Variants in DBI observed in about 807,000 individuals in gnomAD.
DBI encodes diazepam binding inhibitor, acyl-CoA binding protein, also known as acyl-CoA-binding protein.
Under a neutral mutation model 13.0 loss-of-function variants are expected in DBI, and 12 were observed. The ratio of observed to expected loss-of-function variants is 0.92; its 90% CI spans 0.59 to 1.49. The LOEUF is 1.49. Among genes scored for constraint, DBI ranks in the 40% most tolerant of loss-of-function variants. The pLI, the probability that DBI is intolerant of heterozygous loss-of-function variation, is 0.00. For synonymous variants in DBI, 37 were observed against 37.4 expected (o/e 0.99, Z 0.04); for missense variants, 95 against 104.8 (o/e 0.91, Z 0.41).
intron 1 of DBI, 130 bp from the exon 2 acceptor site, chr2:119,368,058 C>G: frequency 6.6e-7 from 1 of 1,515,954 alleles, no homozygotes; most frequent in Non-Finnish European, 9.2e-7. Context: ...TCAGGGGCTG[C>G]ATTGCCCGAA....
At chr2:119,367,828 G>A in intron 1 of DBI, 1 of 1,613,012 alleles carries the variant, frequency 6.2e-7, no homozygotes, top group South Asian at 1.1e-5. Flanking sequence ...GTGGTGGCCA[G>A]GCAGTTGGCC....
At chr2:119,369,915 A>G (rs1002226891) in intron 2 of DBI, among the ~76,000 whole-genome samples, 1 of 152,226 alleles carries the variant, frequency 6.6e-6, no homozygotes, top group Non-Finnish European at 1.5e-5. Context: ...TGAATTGGAC[A>G]TTGCAAATAT....
In DBI at chr2:119,370,813, T is replaced by C; in HGVS notation, c.190+11T>C. ...GGAATGAGCTGAAAGGTAATTGTTC[T>C]AATCAATTTCTCTCATTTGTGAAAC... On this transcript the variant is annotated intron_variant, in intron 3 of 3. Transcript: ENST00000355857. The C allele has an allele frequency of 6.2e-7, 1 of 1,611,476 alleles. No homozygotes were observed. Among genetic ancestry groups the C allele is most frequent in the Non-Finnish European group, 8.5e-7 (1 of 1,177,962 alleles).
chr2:119,370,846 TGAAA>T, intron 3 of DBI, 44 bp downstream of exon 3: 1 of 1,538,910 alleles, frequency 6.5e-7, no homozygotes, highest in Non-Finnish European at 9.0e-7. Flanking sequence ...AACCCAGTAG[TGAAA>T]GAGTCTTCAT....
chr2:119,372,161 C>T (rs1321603556), intron 3 of DBI, 84 bp from the exon 4 acceptor site: 2 of 958,116 alleles, frequency 2.1e-6, no homozygotes, highest in Non-Finnish European at 3.4e-6. Flanking sequence ...AGGAGAGTTA[C>T]AGCAGAGCTG....
chr2:119,369,946 A>T, intron 2 of DBI, among the ~76,000 whole-genome samples: 1 of 152,136 alleles, frequency 6.6e-6, no homozygotes, highest in Non-Finnish European at 1.5e-5. Flanking sequence ...TTCCATTTCC[A>T]CCGCTTGGAG....
At chr2:119,371,027 G>A (rs1681480477) in intron 3 of DBI, among the ~76,000 whole-genome samples, 2 of 152,208 alleles carry the variant, frequency 1.3e-5, no homozygotes, top group African/African-American at 4.8e-5. Context: ...ATCATCTAGA[G>A]AGGAGGGGCT....
At chr2:119,369,538 A>T (rs1341700819) in intron 2 of DBI, among the ~76,000 whole-genome samples, 1 of 152,226 alleles carries the variant, frequency 6.6e-6, no homozygotes, top group Non-Finnish European at 1.5e-5. Context: ...CTGTAATCCC[A>T]GCACTTTGGG....
chr2:119,370,917 C>A, intron 3 of DBI, 115 bp downstream of exon 3: 1 of 882,038 alleles, frequency 1.1e-6, no homozygotes, highest in Non-Finnish European at 1.7e-6. Flanking sequence ...GTGTGGGAAA[C>A]CAGCCTGACC....
chr2:119,368,098 C>A lies in DBI; in HGVS notation c.10-90C>A, dbSNP rs963563734. 62 of 1,485,798 alleles carry A rather than the reference C, an allele frequency of 4.2e-5. No individual in the cohort carries two copies. In the African/African-American group the frequency reaches 7.2e-4, roughly 17 times the overall value. 92.0% of individuals were successfully genotyped at this position (1,485,798 alleles called of 1,614,324 possible). On this transcript the variant is annotated intron_variant, in intron 1 of 3. Transcript: ENST00000355857. Reference sequence around the variant, plus strand: ...GCCACCTTTCCCACCTCTCCATCCCCGTAACTGGGCTGTCATCAGGCCACA... The same window carrying A: ...GCCACCTTTCCCACCTCTCCATCCCAGTAACTGGGCTGTCATCAGGCCACA...
intron 1 of DBI, chr2:119,367,644 G>A (rs1293680587): frequency 1.1e-5 from 18 of 1,613,992 alleles, no homozygotes; most frequent in Non-Finnish European, 1.4e-5. Context: ...CTGGGACAGA[G>A]GTCGGTGTTG....
chr2:119,370,822 T>G lies in DBI; in HGVS notation c.190+20T>G. ...TGAAAGGTAATTGTTCTAATCAATTTCTCTCATTTGTGAAACCCAGTAGTG... is the reference window on the plus strand; with the variant it reads ...TGAAAGGTAATTGTTCTAATCAATTGCTCTCATTTGTGAAACCCAGTAGTG... On this transcript the variant is annotated intron_variant, in intron 3 of 3. Transcript: ENST00000355857. The G allele has an allele frequency of 6.2e-7, 1 of 1,609,360 alleles. No homozygotes were observed. The highest frequency in any genetic ancestry group is 8.5e-7 in the Non-Finnish European group (1 of 1,176,406).
intron 3 of DBI, among the ~76,000 whole-genome samples, 171 bp downstream of exon 3, chr2:119,370,973 C>T (rs1681476567): frequency 6.6e-6 from 1 of 152,180 alleles, no homozygotes; most frequent in African/African-American, 2.4e-5. Flanking sequence ...TTTCTCCTAA[C>T]ACCATTTATG....
chr2:119,368,340 A>C, intron 2 of DBI, 35 bp downstream of exon 2: 1 of 1,511,480 alleles, frequency 6.6e-7, no homozygotes, highest in East Asian at 2.3e-5. Flanking sequence ...GCATCTGCTC[A>C]TCAAAGCAGG....
chr2:119,369,305 C>A (rs1237409866), intron 2 of DBI, among the ~76,000 whole-genome samples: 1 of 152,128 alleles, frequency 6.6e-6, no homozygotes. Flanking sequence ...GGCCTGTGCC[C>A]GTACTAGAGT....
At chr2:119,372,204 A>C in intron 3 of DBI, 41 bp from the exon 4 acceptor site, 1 of 1,525,026 alleles carries the variant, frequency 6.6e-7, no homozygotes. Flanking sequence ...GTTTCCTACC[A>C]TGCTACCTCC....
In DBI at chr2:119,372,458, T is replaced by A; in HGVS notation, c.*140T>A. The stretch of plus-strand genomic sequence containing the variant: ...CTCAAGGCTGCTCACCATACGGCTC[T>A]AACAGATTAGGGGCTAAAACGATTA... On this transcript the variant is annotated 3_prime_UTR_variant, in exon 4 of 4. Coordinates refer to ENST00000355857, the MANE Select transcript of DBI (RefSeq NM_001079862.4). The A allele has an allele frequency of 1.6e-6, 1 of 611,636 alleles. No homozygotes were observed. The highest frequency in any genetic ancestry group is 2.9e-6 in the Non-Finnish European group (1 of 341,324). 37.9% of individuals were successfully genotyped at this position (611,636 alleles called of 1,614,324 possible). A position where few individuals can be genotyped will look rare whatever the true frequency, so the allele number is the denominator to read the frequency against.
chr2:119,367,118 G>T, intron 1 of DBI, 58 bp downstream of exon 1: 6 of 1,607,402 alleles, frequency 3.7e-6, no homozygotes, highest in Non-Finnish European at 5.1e-6. Context: ...CCCGTTGGGG[G>T]CTCAGCCGGC....
chr2:119,367,940 T>C (rs1558805550), intron 1 of DBI: 1 of 1,614,230 alleles, frequency 6.2e-7, no homozygotes, highest in South Asian at 1.1e-5. Context: ...TTGTGAGAGC[T>C]CTGGATATAT....
Sources: gnomAD v4.1 joint callset for allele counts (sites outside exome capture counted in the v4.1 genomes callset) on GRCh38, gnomAD v4.1.1 for gene constraint, MANE v1.5 for transcripts, NCBI Gene and HGNC (gene_info 2026-07-23, HGNC 2026-07-21) for gene names.